Variants in MAP3K3 observed in about 807,000 individuals in gnomAD.
MAP3K3 encodes MAP/ERK kinase kinase 3.
MAP3K3 carries 12 observed loss-of-function variants against 80.9 expected under a neutral mutation model. The ratio of observed to expected loss-of-function variants is 0.15; its 90% CI spans 0.10 to 0.24. The LOEUF (loss-of-function observed/expected upper bound fraction) is 0.24, where lower values mean the gene tolerates loss of function less well. Among genes scored for constraint, MAP3K3 ranks in the 10% least tolerant of loss-of-function variants. The probability of loss-of-function intolerance (pLI) is 1.00; values close to 1 mark genes in which losing one functional copy is unlikely to be tolerated. For synonymous variants in MAP3K3, 272 were observed against 307.1 expected, an observed-to-expected ratio of 0.89 and a Z score of 1.19; for missense variants, 596 against 834.7, an observed-to-expected ratio of 0.71 and a Z score of 3.52.
At chr17:63,660,924 C>T (rs1264361703) in intron 5 of MAP3K3, among the ~76,000 whole-genome samples, 1 of 151,466 alleles carries the variant, frequency 6.6e-6, no homozygotes, top group Non-Finnish European at 1.5e-5. Context: ...TATATGGCAG[C>T]TTCTAATTTT....
intron 4 of MAP3K3, among the ~76,000 whole-genome samples, chr17:63,657,571 T>C (rs2034796759): frequency 6.6e-6 from 1 of 152,190 alleles, no homozygotes; most frequent in East Asian, 1.9e-4. Flanking sequence ...ATTATGATGA[T>C]GGTTGCACAA....
chr17:63,661,583 T>A (rs1219954628), intron 5 of MAP3K3, among the ~76,000 whole-genome samples: 1 of 152,256 alleles, frequency 6.6e-6, no homozygotes, highest in Non-Finnish European at 1.5e-5. Context: ...TTTTGTAACT[T>A]GTATTTGTAT....
chr17:63,685,541 G>A lies in MAP3K3; in HGVS notation c.661G>A (p.Glu221Lys). 1.2e-6 allele frequency: 2 copies of A among 1,614,200 alleles called. No individual in the cohort carries two copies. Among genetic ancestry groups the A allele is most frequent in the Non-Finnish European group, 8.5e-7 (1 of 1,180,034 alleles). Residue 221 changes from glutamate (E) to lysine (K), a missense_variant, in exon 8 of 16, where the codon GAA (glutamate) becomes AAA (lysine). Transcript: ENST00000361733. ...GATGCTGGATCCCCTGAGCAGTGCAGAAAATTCCTTGTCTGGAAGCTGCCA... is the reference window on the plus strand; with the variant it reads ...GATGCTGGATCCCCTGAGCAGTGCAAAAAATTCCTTGTCTGGAAGCTGCCA... ...QCMLDPLSSA[E>K]NSLSGSCQSL...
intron 2 of MAP3K3, chr17:63,636,865 C>A: frequency 2.6e-6 from 1 of 385,592 alleles, no homozygotes; most frequent in Non-Finnish European, 5.1e-6. Flanking sequence ...CTCCATCCCG[C>A]TGGACATCAA....
intron 4 of MAP3K3, among the ~76,000 whole-genome samples, chr17:63,653,905 C>T (rs142238613): frequency 0.017 from 2,546 of 152,152 alleles, 64 homozygotes; most frequent in African/African-American, 0.059. Flanking sequence ...CTTGCTCTGT[C>T]GCCCATGCTG....
At chr17:63,631,721 A>T (rs2034219605) in intron 1 of MAP3K3, among the ~76,000 whole-genome samples, 1 of 152,160 alleles carries the variant, frequency 6.6e-6, no homozygotes, top group East Asian at 1.9e-4. Flanking sequence ...AGAAAAGGGG[A>T]TTAAAAGTAA....
At chr17:63,628,362 C>CTT (rs551646151) in intron 1 of MAP3K3, among the ~76,000 whole-genome samples, 11 of 141,496 alleles carry the variant, frequency 7.8e-5, no homozygotes, top group East Asian at 2.0e-4. Flanking sequence ...CTAATTCTGT[C>CTT]TTTTTTTTTT....
intron 6 of MAP3K3, among the ~76,000 whole-genome samples, chr17:63,668,960 G>A (rs1285590921): frequency 1.3e-5 from 2 of 152,168 alleles, no homozygotes; most frequent in Non-Finnish European, 2.9e-5. Context: ...ACACTCCAAG[G>A]AAGATTTACT....
chr17:63,685,928 G>A (rs1426824232), intron 8 of MAP3K3, among the ~76,000 whole-genome samples: 1 of 152,086 alleles, frequency 6.6e-6, no homozygotes, highest in Admixed American at 6.5e-5. Context: ...AGTGTTTTAG[G>A]GGGAGAACTG....
intron 6 of MAP3K3, among the ~76,000 whole-genome samples, chr17:63,681,112 T>TAA (rs76886126): frequency 7.7e-5 from 10 of 130,476 alleles, no homozygotes; most frequent in East Asian, 4.3e-4. Flanking sequence ...TGTCTCAATT[T>TAA]AAAAAAAAAA....
chr17:63,639,617 A>T (rs558450090), intron 2 of MAP3K3, among the ~76,000 whole-genome samples: 1 of 151,686 alleles, frequency 6.6e-6, no homozygotes, highest in South Asian at 2.1e-4. Flanking sequence ...ATGTATCCTC[A>T]CTCTGATTCT....
chr17:63,652,803 T>G, intron 4 of MAP3K3, 147 bp downstream of exon 4: 2 of 613,186 alleles, frequency 3.3e-6, no homozygotes, highest in Non-Finnish European at 5.8e-6. Flanking sequence ...TTCCAACAAC[T>G]GTGGGATCTC....
intron 3 of MAP3K3, among the ~76,000 whole-genome samples, chr17:63,648,231 TG>T (rs1728054455): frequency 6.6e-6 from 1 of 152,228 alleles, no homozygotes; most frequent in African/African-American, 2.4e-5. Flanking sequence ...GCTGCTTTTG[TG>T]GGTTTTGAAT....
At chr17:63,662,241 A>AT (rs2034907722) in intron 5 of MAP3K3, among the ~76,000 whole-genome samples, 1 of 136,640 alleles carries the variant, frequency 7.3e-6, no homozygotes, top group Non-Finnish European at 1.6e-5. Flanking sequence ...CCCTGTCTCT[A>AT]TTGAAAAAAA....
intron 4 of MAP3K3, among the ~76,000 whole-genome samples, chr17:63,656,735 T>TA (rs1199497882): frequency 6.6e-6 from 1 of 152,222 alleles, no homozygotes; most frequent in African/African-American, 2.4e-5. Flanking sequence ...GAGTGAGACT[T>TA]ATTTGTACCC....
intron 3 of MAP3K3, among the ~76,000 whole-genome samples, chr17:63,646,812 A>G (rs1465569761): frequency 6.6e-6 from 1 of 152,180 alleles, no homozygotes; most frequent in Non-Finnish European, 1.5e-5. Flanking sequence ...AGCATACAGA[A>G]CTCTGGACAT....
At chr17:63,666,892 C>T in intron 5 of MAP3K3, 48 bp from the exon 6 acceptor site, 1 of 1,607,166 alleles carries the variant, frequency 6.2e-7, no homozygotes, top group African/African-American at 1.3e-5. Flanking sequence ...CCTTGATAGG[C>T]CTGACTGTGT....
intron 3 of MAP3K3, 32 bp from the exon 4 acceptor site, chr17:63,652,525 A>C (rs746560963): frequency 6.7e-7 from 1 of 1,488,358 alleles, no homozygotes; most frequent in Admixed American, 1.7e-5. Context: ...TAAGTATACA[A>C]TTAACCAACC....
At chr17:63,652,847 C>T (rs972442825) in intron 4 of MAP3K3, among the ~76,000 whole-genome samples, 191 bp downstream of exon 4, 2 of 152,214 alleles carry the variant, frequency 1.3e-5, no homozygotes, top group Non-Finnish European at 2.9e-5. Flanking sequence ...ACTCAGCCAT[C>T]TCAGCCATCT....
Sources: allele counts gnomAD v4.1 joint callset (sites outside exome capture counted in the v4.1 genomes callset), GRCh38; gene constraint gnomAD v4.1.1; transcripts MANE v1.5; gene names NCBI Gene and HGNC (gene_info 2026-07-23, HGNC 2026-07-21).